The following PIGK variants were observed in gnomAD, a reference collection of about 807,000 sequenced individuals.
PIGK encodes phosphatidylinositol glycan anchor biosynthesis class K, also known as GPI-anchor transamidase.
PIGK carries 42 observed loss-of-function variants against 50.6 expected under a neutral mutation model. The observed-to-expected ratio is 0.83, with a 90% CI of 0.65 to 1.07. PIGK has a LOEUF of 1.07. Among genes scored for constraint, PIGK ranks in the 50% least tolerant of loss-of-function variants. The pLI is 0.00. For synonymous variants in PIGK, 151 were observed against 156.0 expected (o/e 0.97, Z 0.24); for missense variants, 448 against 488.7 (o/e 0.92, Z 0.78).
At chr1:77,198,500 T>C (rs1656085555) in intron 3 of PIGK, among the ~76,000 whole-genome samples, 1 of 151,998 alleles carries the variant, frequency 6.6e-6, no homozygotes, top group South Asian at 2.1e-4. Flanking sequence ...TGTTTGAAGA[T>C]TTTATGGCTA....
chr1:77,102,031 T>G (rs1243535855), intron 10 of PIGK, among the ~76,000 whole-genome samples: 4 of 152,100 alleles, frequency 2.6e-5, no homozygotes. Context: ...TCTAAAATCA[T>G]GTAAAAGATA....
chr1:77,169,140 C>A (rs1655299268), intron 4 of PIGK, 120 bp downstream of exon 4: 1 of 578,244 alleles, frequency 1.7e-6, no homozygotes, highest in Non-Finnish European at 2.8e-6. Context: ...GAAGTTACAT[C>A]AAGGCTTCAG....
intron 10 of PIGK, among the ~76,000 whole-genome samples, chr1:77,100,231 T>C (rs1653511131): frequency 6.6e-6 from 1 of 152,190 alleles, no homozygotes; most frequent in African/African-American, 2.4e-5. Flanking sequence ...ATAATGAGCA[T>C]ATGAGTTCAG....
chr1:77,166,762 A>T lies in PIGK; in HGVS notation c.444T>A (p.Arg148=). Residue 148 remains arginine, a synonymous_variant, in exon 5 of 11, where the codon CGT becomes CGA. Transcript: ENST00000370812. ...RIPPSTPRSK[R]LLSDDRSNIL... is the part of the protein sequence containing the mutation. ...TATTGCTTCTGTCATCAGAAAGAAG[A>T]CGTTTTGACCGAGGAGTACTAGGTG... 6.3e-7 allele frequency: 1 copy of T among 1,598,458 alleles called. No individual in the cohort carries two copies. The highest frequency in any genetic ancestry group is 2.2e-5 in the East Asian group (1 of 44,606).
rs769849853 is a variant in PIGK at position 77,154,448 on chromosome 1, C to T, written c.986+1G>A. The T allele has an allele frequency of 6.2e-7, 1 of 1,600,782 alleles. No individual in the cohort carries two copies. The highest frequency in any genetic ancestry group is 1.1e-5 in the South Asian group (1 of 90,636). ...TTCAAATAATGGTTTAAGATGAATACCTGCTTTCCATGATTTCTGAATCCT... is the reference window on the plus strand; with the variant it reads ...TTCAAATAATGGTTTAAGATGAATATCTGCTTTCCATGATTTCTGAATCCT... On this transcript the variant is annotated splice_donor_variant, in intron 9 of 10. Coordinates refer to ENST00000370812, the MANE Select transcript of PIGK (RefSeq NM_005482.3). LOFTEE classifies it high-confidence loss of function.
chr1:77,160,453 T>C (rs1655107475), intron 8 of PIGK, among the ~76,000 whole-genome samples: 1 of 152,186 alleles, frequency 6.6e-6, no homozygotes, highest in Admixed American at 6.5e-5. Flanking sequence ...TTGGCTGAAG[T>C]GCTAGAGGAC....
At chr1:77,202,114 G>T (rs1656183774) in intron 3 of PIGK, among the ~76,000 whole-genome samples, 1 of 152,038 alleles carries the variant, frequency 6.6e-6, no homozygotes, top group South Asian at 2.1e-4. Context: ...AGCTCAGTGG[G>T]GGTTGAGAAA....
chr1:77,111,048 C>T (rs1218676112), intron 10 of PIGK, among the ~76,000 whole-genome samples: 3 of 152,074 alleles, frequency 2.0e-5, no homozygotes, highest in Non-Finnish European at 4.4e-5. Context: ...AAATCAAAAC[C>T]ACAATGAGAT....
At chr1:77,128,378 C>G (rs1654276789) in intron 9 of PIGK, among the ~76,000 whole-genome samples, 1 of 152,150 alleles carries the variant, frequency 6.6e-6, no homozygotes, top group Non-Finnish European at 1.5e-5. Context: ...TATTTACTGT[C>G]AGTTTCCAAT....
intron 10 of PIGK, among the ~76,000 whole-genome samples, chr1:77,100,063 A>C (rs1370349882): frequency 3.3e-5 from 5 of 152,156 alleles, no homozygotes; most frequent in African/African-American, 1.2e-4. Context: ...CCATGTTGCT[A>C]GGAGAACATT....
chr1:77,118,208 A>C (rs1159122585), intron 10 of PIGK, among the ~76,000 whole-genome samples: 1 of 152,118 alleles, frequency 6.6e-6, no homozygotes, highest in African/African-American at 2.4e-5. Context: ...CATGAGGAAA[A>C]TATTTTTCCA....
chr1:77,125,111 A>AT (rs900181087), intron 9 of PIGK, among the ~76,000 whole-genome samples: 7 of 152,152 alleles, frequency 4.6e-5, no homozygotes, highest in African/African-American at 1.4e-4. Context: ...GATGAAATAC[A>AT]TTTTTTTCTC....
At chr1:77,209,392 A>G (rs966477604) in intron 2 of PIGK, among the ~76,000 whole-genome samples, 6 of 152,162 alleles carry the variant, frequency 3.9e-5, no homozygotes, top group African/African-American at 1.2e-4. Flanking sequence ...GGCAGAAGAA[A>G]AAAAAAGGGC....
intron 1 of PIGK, among the ~76,000 whole-genome samples, chr1:77,217,705 A>T (rs1325428786): frequency 6.6e-6 from 1 of 152,236 alleles, no homozygotes; most frequent in Non-Finnish European, 1.5e-5. Context: ...GATATGATGG[A>T]ATAACAGTAC....
intron 10 of PIGK, among the ~76,000 whole-genome samples, chr1:77,107,606 T>C (rs1312262306): frequency 1.3e-5 from 2 of 152,142 alleles, no homozygotes; most frequent in South Asian, 2.1e-4. Context: ...CTATTAGGTC[T>C]GCTTGGTGCA....
At chr1:77,168,020 GA>G (rs71849640) in intron 4 of PIGK, among the ~76,000 whole-genome samples, 26,692 of 144,418 alleles carry the variant, frequency 0.18, 2,523 homozygotes, top group East Asian at 0.37. Flanking sequence ...GGTTGAAAAA[GA>G]AAAAAAAAAA....
At chr1:77,210,085 G>A (rs971127976) in intron 2 of PIGK, among the ~76,000 whole-genome samples, 3 of 151,944 alleles carry the variant, frequency 2.0e-5, no homozygotes, top group Non-Finnish European at 4.4e-5. Context: ...ATTTTAAAAA[G>A]TGTAAGTAGA....
chr1:77,110,050 C>G (rs1168226200), intron 10 of PIGK, among the ~76,000 whole-genome samples: 1 of 152,088 alleles, frequency 6.6e-6, no homozygotes, highest in African/African-American at 2.4e-5. Flanking sequence ...ATCCAGCTTA[C>G]AAGGGATGTG....
At chr1:77,132,089 T>A (rs1191726815) in intron 9 of PIGK, among the ~76,000 whole-genome samples, 1 of 152,020 alleles carries the variant, frequency 6.6e-6, no homozygotes, top group African/African-American at 2.4e-5. Context: ...TTACTTACTT[T>A]CTTTCTAAAT....
Sources: allele counts gnomAD v4.1 joint callset (sites outside exome capture counted in the v4.1 genomes callset), GRCh38; gene constraint gnomAD v4.1.1; transcripts MANE v1.5; gene names NCBI Gene and HGNC (gene_info 2026-07-23, HGNC 2026-07-21).